MECOM: variants seen among roughly 807,000 people sequenced by gnomAD.
MECOM encodes the protein MDS1 and EVI1 complex locus.
MECOM carries 13 observed loss-of-function variants against 116.3 expected under a neutral mutation model. That is an observed-to-expected ratio of 0.11 (90% CI 0.07 to 0.18). The LOEUF (loss-of-function observed/expected upper bound fraction) is 0.18. Ranked by LOEUF, MECOM falls within the 10% of genes least tolerant of loss-of-function variation. The pLI is 1.00. For missense variants in MECOM, 1,299 were observed against 1,509.0 expected, an observed-to-expected ratio of 0.86 and a Z score of 2.31; for synonymous variants, 528 against 535.2, an observed-to-expected ratio of 0.99 and a Z score of 0.19.
At chr3:169,246,656 G>C (rs1755622535) in intron 2 of MECOM, among the ~76,000 whole-genome samples, 1 of 151,796 alleles carries the variant, frequency 6.6e-6, no homozygotes, top group Non-Finnish European at 1.5e-5. Flanking sequence ...CGAGTAGCTG[G>C]CACTACAGGC....
intron 2 of MECOM, among the ~76,000 whole-genome samples, chr3:169,361,757 T>C (rs1012495723): frequency 3.3e-5 from 5 of 151,888 alleles, no homozygotes; most frequent in African/African-American, 1.2e-4. Flanking sequence ...TGTGTTATAC[T>C]GCCTCTTTTG....
At chr3:169,480,314 T>A (rs1302603482) in intron 1 of MECOM, among the ~76,000 whole-genome samples, 1 of 152,138 alleles carries the variant, frequency 6.6e-6, no homozygotes, top group African/African-American at 2.4e-5. Flanking sequence ...CCTTCAACAC[T>A]GCAATCTGAG....
chr3:169,605,164 G>T (rs546564370), intron 1 of MECOM, among the ~76,000 whole-genome samples: 1 of 152,178 alleles, frequency 6.6e-6, no homozygotes, highest in South Asian at 2.1e-4. Context: ...AGACACAAAG[G>T]TACCATTTAA....
intron 2 of MECOM, among the ~76,000 whole-genome samples, chr3:169,248,436 TTCTTAG>T (rs891603154): frequency 2.0e-5 from 3 of 152,230 alleles, no homozygotes; most frequent in Non-Finnish European, 2.9e-5. Flanking sequence ...ATTGCACAAA[TTCTTAG>T]TCTAAGTCTC....
intron 2 of MECOM, among the ~76,000 whole-genome samples, chr3:169,157,990 G>T (rs1373135732): frequency 1.3e-5 from 2 of 152,166 alleles, no homozygotes; most frequent in African/African-American, 4.8e-5. Flanking sequence ...TGATTGAAAT[G>T]ACTACAGGTT....
chr3:169,396,051 T>G (rs1040625322), intron 1 of MECOM, among the ~76,000 whole-genome samples: 1 of 152,238 alleles, frequency 6.6e-6, no homozygotes, highest in African/African-American at 2.4e-5. Context: ...CATATGAAGC[T>G]TATTTTAAAA....
chr3:169,384,420 C>T (rs1732962920), intron 1 of MECOM, among the ~76,000 whole-genome samples: 1 of 152,122 alleles, frequency 6.6e-6, no homozygotes, highest in African/African-American at 2.4e-5. Context: ...ACATACTCAA[C>T]AAAATCCATC....
chr3:169,169,417 A>G (rs912445130), intron 2 of MECOM, among the ~76,000 whole-genome samples: 4 of 152,274 alleles, frequency 2.6e-5, no homozygotes, highest in African/African-American at 9.6e-5. Flanking sequence ...ATTATTTATG[A>G]ATGTAAATGA....
chr3:169,222,132 G>A (rs1034175304), intron 2 of MECOM, among the ~76,000 whole-genome samples: 6 of 152,122 alleles, frequency 3.9e-5, no homozygotes, highest in African/African-American at 4.8e-5. Context: ...CATTCCCATC[G>A]TCACAGAAAG....
At chr3:169,559,044 G>GTGCACA (rs779161059) in intron 1 of MECOM, among the ~76,000 whole-genome samples, 5 of 137,938 alleles carry the variant, frequency 3.6e-5, no homozygotes, top group African/African-American at 1.4e-4. Flanking sequence ...ACACACACAC[G>GTGCACA]CGCACACACA....
intron 2 of MECOM, among the ~76,000 whole-genome samples, chr3:169,216,741 T>G (rs1447291819): frequency 6.6e-6 from 1 of 152,126 alleles, no homozygotes; most frequent in Non-Finnish European, 1.5e-5. Context: ...AAAAATAGTT[T>G]ATAAAATTAT....
At chr3:169,265,081 A>G (rs1382172973) in intron 2 of MECOM, among the ~76,000 whole-genome samples, 1 of 152,224 alleles carries the variant, frequency 6.6e-6, no homozygotes, top group Admixed American at 6.5e-5. Context: ...TTCTTGATAT[A>G]TAAATCAACC....
At chr3:169,591,236 T>C (rs1402914975) in intron 1 of MECOM, among the ~76,000 whole-genome samples, 2 of 152,234 alleles carry the variant, frequency 1.3e-5, no homozygotes, top group Admixed American at 1.3e-4. Context: ...AATCCTTTTG[T>C]ACATCATTTA....
intron 2 of MECOM, among the ~76,000 whole-genome samples, chr3:169,295,588 A>G (rs372374335): frequency 1.2e-4 from 18 of 152,344 alleles, no homozygotes; most frequent in African/African-American, 4.3e-4. Context: ...TTAAAACAAC[A>G]TTGCAAGAAG....
At chr3:169,612,416 C>A (rs1194108262) in intron 1 of MECOM, among the ~76,000 whole-genome samples, 1 of 152,152 alleles carries the variant, frequency 6.6e-6, no homozygotes, top group African/African-American at 2.4e-5. Flanking sequence ...AAATGTCTCA[C>A]TTTTGGCAAA....
intron 2 of MECOM, among the ~76,000 whole-genome samples, chr3:169,285,024 CTCTT>C (rs781231603): frequency 6.6e-6 from 1 of 152,146 alleles, no homozygotes; most frequent in Admixed American, 6.5e-5. Flanking sequence ...CCAGCGGTGA[CTCTT>C]TCATCACCAG....
At chr3:169,333,690 G>A (rs1255224012) in intron 2 of MECOM, among the ~76,000 whole-genome samples, 1 of 151,902 alleles carries the variant, frequency 6.6e-6, no homozygotes, top group Admixed American at 6.6e-5. Context: ...ATTGTTGCAG[G>A]TAAAGAAAAC....
intron 3 of MECOM, chr3:169,133,954 C>T: frequency 7.8e-7 from 1 of 1,289,456 alleles, no homozygotes; most frequent in Non-Finnish European, 1.0e-6. Flanking sequence ...TATTAGCTTC[C>T]TTTCCAACAA....
intron 1 of MECOM, among the ~76,000 whole-genome samples, chr3:169,476,727 C>T (rs561449925): frequency 2.0e-5 from 3 of 152,102 alleles, no homozygotes; most frequent in Admixed American, 2.0e-4. Flanking sequence ...ATTAAAATCT[C>T]GCCCTCCTGT....
Sources: allele counts gnomAD v4.1 joint callset (sites outside exome capture counted in the v4.1 genomes callset), GRCh38; gene constraint gnomAD v4.1.1; transcripts MANE v1.5; gene names NCBI Gene and HGNC (gene_info 2026-07-23, HGNC 2026-07-21).